The following CREB5 variants were observed in gnomAD, a reference collection of about 807,000 sequenced individuals.
CREB5 encodes the protein cyclic AMP-responsive element-binding protein 5.
CREB5 carries 19 observed loss-of-function variants against 57.1 expected under a neutral mutation model. The ratio of observed to expected loss-of-function variants is 0.33; its 90% CI spans 0.23 to 0.49. The LOEUF (loss-of-function observed/expected upper bound fraction) is 0.49. Ranked by LOEUF, CREB5 falls within the 20% of genes least tolerant of loss-of-function variation. The pLI, the probability that CREB5 is intolerant of heterozygous loss-of-function variation, is 0.99. For missense variants in CREB5, 579 were observed against 671.6 expected, an observed-to-expected ratio of 0.86 and a Z score of 1.52; for synonymous variants, 238 against 238.3, an observed-to-expected ratio of 1.00 and a Z score of 0.01.
intron 1 of CREB5, among the ~76,000 whole-genome samples, chr7:28,456,469 G>A (rs548505694): frequency 1.5e-4 from 23 of 152,204 alleles, no homozygotes; most frequent in African/African-American, 4.6e-4. Context: ...TCATGGTTAC[G>A]GACTAGGCAT....
chr7:28,310,764 A>G (rs1183385932), intron 1 of CREB5, among the ~76,000 whole-genome samples: 2 of 152,184 alleles, frequency 1.3e-5, no homozygotes, highest in Non-Finnish European at 2.9e-5. Flanking sequence ...ACTTCATGTC[A>G]TTTTTACCTC....
chr7:28,596,385 A>G (rs73301198), intron 5 of CREB5, among the ~76,000 whole-genome samples: 5,590 of 145,270 alleles, frequency 0.038, 369 homozygotes, highest in African/African-American at 0.13. Context: ...TGCATTGCAT[A>G]TATTAGAACA....
chr7:28,419,491 C>T (rs1788154760), intron 1 of CREB5, among the ~76,000 whole-genome samples: 1 of 152,222 alleles, frequency 6.6e-6, no homozygotes, highest in Non-Finnish European at 1.5e-5. Flanking sequence ...CAATTTTCGA[C>T]CAGTGCCAGG....
At chr7:28,569,196 C>T (rs1795602412) in intron 4 of CREB5, among the ~76,000 whole-genome samples, 1 of 150,996 alleles carries the variant, frequency 6.6e-6, no homozygotes. Flanking sequence ...CTCACTCTGT[C>T]CCTCTGTCTG....
chr7:28,495,336 G>A (rs899752802), intron 3 of CREB5, among the ~76,000 whole-genome samples: 2 of 152,040 alleles, frequency 1.3e-5, no homozygotes, highest in African/African-American at 2.4e-5. Context: ...TCAGGAGTTC[G>A]AGTGATACCA....
Position 28,560,969 on chromosome 7 carries a change from T to TGCGTGTGCGTGCGTGCGC in CREB5, c.292-9395_292-9394insCGTGTGCGTGCGTGCGCG. ...GTGTGTGCGTGTGTGTGCGTGTGTG[T>TGCGTGTGCGTGCGTGCGC]GTGCGTGTGTGCGTGCGTGTGTGTG... is the stretch of plus-strand genomic sequence containing the variant. On this transcript the variant is annotated intron_variant, in intron 4 of 10. Transcript: ENST00000357727. Among the ~76,000 whole-genome samples, 173 of 24,966 alleles carry TGCGTGTGCGTGCGTGCGC rather than the reference T, an allele frequency of 6.9e-3. 25 individuals are homozygous for TGCGTGTGCGTGCGTGCGC. The highest frequency in any genetic ancestry group is 0.024 in the Middle Eastern group (1 of 42). The allele number at this position is 24,966 out of a possible 152,430, so 16.4% of individuals were successfully genotyped here. A position where few individuals can be genotyped will look rare whatever the true frequency, so the allele number is the denominator to read the frequency against.
chr7:28,516,389 G>A (rs1179306266), intron 4 of CREB5, among the ~76,000 whole-genome samples: 1 of 152,178 alleles, frequency 6.6e-6, no homozygotes, highest in Non-Finnish European at 1.5e-5. Context: ...GCCTCATGCT[G>A]TATTTTACTA....
intron 1 of CREB5, among the ~76,000 whole-genome samples, chr7:28,386,024 A>G (rs555406410): frequency 6.6e-6 from 1 of 152,342 alleles, no homozygotes; most frequent in Admixed American, 6.5e-5. Flanking sequence ...CCCATCTTAC[A>G]TAATATTGTT....
At chr7:28,695,252 A>C (rs1340570784) in intron 5 of CREB5, among the ~76,000 whole-genome samples, 2 of 152,106 alleles carry the variant, frequency 1.3e-5, no homozygotes, top group Non-Finnish European at 2.9e-5. Flanking sequence ...GCCATCCAAA[A>C]ATGTGAAGAG....
At chr7:28,576,501 G>A (rs567666723) in intron 5 of CREB5, among the ~76,000 whole-genome samples, 15 of 152,296 alleles carry the variant, frequency 9.8e-5, no homozygotes, top group South Asian at 2.1e-4. Flanking sequence ...TACCAGTGCC[G>A]TGGAAGACCC....
At position 28,560,823 on chromosome 7, in the gene CREB5, C is replaced by CGTGTGTGTGTGTGTGTGCGTGCGT. The variant is rs1442862711; in HGVS notation, c.292-9541_292-9540insTGTGTGTGTGTGTGTGCGTGCGTG. On this transcript the variant is annotated intron_variant, in intron 4 of 10. Coordinates refer to ENST00000357727, the MANE Select transcript of CREB5 (RefSeq NM_182898.4). Reference sequence around the variant, plus strand: ...GTGTGTGTGCGCGTGTGTGTGTGTGCGCGCGCGCGCGTGTGTGTGTGCGCG... The same window carrying CGTGTGTGTGTGTGTGTGCGTGCGT: ...GTGTGTGTGCGCGTGTGTGTGTGTGCGTGTGTGTGTGTGTGTGCGTGCGTGCGCGCGCGCGTGTGTGTGTGCGCG... Among the ~76,000 whole-genome samples the CGTGTGTGTGTGTGTGTGCGTGCGT allele has an allele frequency of 2.9e-4, 10 of 34,478 alleles. 1 individual carries two copies. The highest frequency in any genetic ancestry group is 1.9e-3 in the East Asian group (3 of 1,562). The allele number at this position is 34,478 out of a possible 152,430, so 22.6% of individuals were successfully genotyped here.
chr7:28,400,562 A>C (rs571212860), intron 1 of CREB5, among the ~76,000 whole-genome samples: 1 of 152,320 alleles, frequency 6.6e-6, no homozygotes, highest in African/African-American at 2.4e-5. Flanking sequence ...TAGGCAGAAT[A>C]TTTTAAAACC....
chr7:28,561,009 T>TGTGCGTGCGTGC (rs1562798521), intron 4 of CREB5, among the ~76,000 whole-genome samples: 3 of 49,256 alleles, frequency 6.1e-5, no homozygotes, highest in African/African-American at 2.1e-4. Flanking sequence ...CGTGTGCGTG[T>TGTGCGTGCGTGC]GTGTGTGCGT....
chr7:28,777,852 T>G (rs865879737), intron 7 of CREB5, among the ~76,000 whole-genome samples: 2 of 152,084 alleles, frequency 1.3e-5, no homozygotes, highest in South Asian at 2.1e-4. Flanking sequence ...AAAAAGAAAA[T>G]AAAAATAATA....
At chr7:28,631,941 C>T (rs1798222179) in intron 5 of CREB5, among the ~76,000 whole-genome samples, 1 of 152,044 alleles carries the variant, frequency 6.6e-6, no homozygotes, top group African/African-American at 2.4e-5. Flanking sequence ...TTAGGCATGG[C>T]GTCTTCAAAG....
chr7:28,423,173 C>T (rs1788346111), intron 1 of CREB5, among the ~76,000 whole-genome samples: 2 of 152,222 alleles, frequency 1.3e-5, no homozygotes, highest in South Asian at 2.1e-4. Flanking sequence ...CTCTTTGTTA[C>T]TAAGAAGCAG....
At chr7:28,774,142 G>A (rs1806493473) in intron 7 of CREB5, among the ~76,000 whole-genome samples, 1 of 152,168 alleles carries the variant, frequency 6.6e-6, no homozygotes, top group East Asian at 1.9e-4. Flanking sequence ...TGTTGACTTA[G>A]CTTCTATTTC....
chr7:28,683,381 T>A (rs1213866813), intron 5 of CREB5, among the ~76,000 whole-genome samples: 1 of 152,142 alleles, frequency 6.6e-6, no homozygotes, highest in African/African-American at 2.4e-5. Flanking sequence ...AATAGTTATG[T>A]CCCGAACAAC....
intron 5 of CREB5, among the ~76,000 whole-genome samples, chr7:28,683,088 CG>C (rs1800683498): frequency 6.6e-6 from 1 of 152,102 alleles, no homozygotes. Context: ...GCCTGTTGGC[CG>C]GGGGCTACTT....
Sources: allele counts gnomAD v4.1 joint callset (sites outside exome capture counted in the v4.1 genomes callset), GRCh38; gene constraint gnomAD v4.1.1; transcripts MANE v1.5; gene names NCBI Gene and HGNC (gene_info 2026-07-23, HGNC 2026-07-21).